GREB1: variants seen among roughly 807,000 people sequenced by gnomAD.
The protein encoded by GREB1 is growth regulating estrogen receptor binding 1.
In GREB1, 106 loss-of-function variants were observed where a neutral mutation model predicts 200.7. The ratio of observed to expected loss-of-function variants is 0.53; its 90% CI spans 0.45 to 0.62. The LOEUF (loss-of-function observed/expected upper bound fraction) is 0.62. GREB1 is among the 20% of genes least tolerant of loss of function. The pLI is 0.00. For missense variants in GREB1, 2,243 were observed against 2,556.8 expected (o/e 0.88, Z 2.65); for synonymous variants, 1,132 against 1,092.4 (o/e 1.04, Z -0.72).
chr2:11,620,580 T>A (rs1683919822), intron 22 of GREB1, among the ~76,000 whole-genome samples: 1 of 152,222 alleles, frequency 6.6e-6, no homozygotes, highest in South Asian at 2.1e-4. Flanking sequence ...TCATAAGGCA[T>A]GTTTATAGTA....
chr2:11,521,625 G>C (rs1308979960), intron 1 of GREB1, among the ~76,000 whole-genome samples: 2 of 152,196 alleles, frequency 1.3e-5, no homozygotes. Context: ...ACCCCAGTGA[G>C]AGTTCTCTGT....
chr2:11,578,282 A>G lies in GREB1; in HGVS notation c.638-15A>G, dbSNP rs763971112. On this transcript the variant is annotated splice_polypyrimidine_tract_variant and intron_variant, in intron 5 of 32. Coordinates refer to ENST00000381486, the MANE Select transcript of GREB1 (RefSeq NM_014668.4). ...AGAGCGAGTTGGTTTTCACGTGTGC[A>G]CCTTGCCCCCTTAGAGTTTAGAAGC... 2.7e-5 allele frequency: 43 copies of G among 1,607,322 alleles called. No homozygotes were observed. The highest frequency in any genetic ancestry group is 3.6e-5 in the Non-Finnish European group (42 of 1,174,744).
intron 1 of GREB1, among the ~76,000 whole-genome samples, chr2:11,538,031 G>A (rs537172472): frequency 4.6e-5 from 7 of 152,260 alleles, no homozygotes; most frequent in South Asian, 2.1e-4. Flanking sequence ...CACACACGGT[G>A]CCCTGAGTGG....
chr2:11,486,339 A>G lies in GREB1; in HGVS notation c.-159+3958A>G, dbSNP rs200984483. Among the ~76,000 whole-genome samples, 4 of 152,268 alleles carry G rather than the reference A, an allele frequency of 2.6e-5. No homozygotes were observed. In the East Asian group the frequency reaches 7.7e-4, roughly 29 times the overall value. On this transcript the variant is annotated intron_variant, in intron 1 of 2. Coordinates refer to the GREB1 transcript ENST00000628795. ...ATTTAGTTTTAATTGTAATTTTTGT[A>G]GAGATGAGGTCTCACTATGTTGCCC...
rs372638491 is a variant in GREB1, at chr2:11,602,386, G to A, written c.2530-20G>A. On this transcript the variant is annotated intron_variant, in intron 16 of 32. Coordinates refer to ENST00000381486, the MANE Select transcript of GREB1 (RefSeq NM_014668.4). ...CTGCGAATGCAGTGTTGGAGTGACCGACGCTCTTCTTTGTTTTAGGGAGTG... is the reference window on the plus strand; with the variant it reads ...CTGCGAATGCAGTGTTGGAGTGACCAACGCTCTTCTTTGTTTTAGGGAGTG... 4.3e-5 allele frequency: 70 copies of A among 1,611,662 alleles called. No homozygotes were observed. Among genetic ancestry groups the A allele is most frequent in the Non-Finnish European group, 5.3e-5 (62 of 1,178,318 alleles).
At chr2:11,630,163 G>T in intron 26 of GREB1, 54 bp downstream of exon 26, 1 of 1,565,358 alleles carries the variant, frequency 6.4e-7, no homozygotes, top group South Asian at 1.1e-5. Flanking sequence ...ACTGGGGACT[G>T]AGCCGGGGAC....
At chr2:11,531,585 T>C (rs1674076959), upstream of GREB1, among the ~76,000 whole-genome samples, 1 of 152,122 alleles carries the variant, frequency 6.6e-6, no homozygotes, top group Non-Finnish European at 1.5e-5. Flanking sequence ...ATTATTATTA[T>C]TTTGAGATAG....
chr2:11,638,683 T>C lies in GREB1; in HGVS notation c.5560T>C (p.Tyr1854His). 6.2e-7 allele frequency: 1 copy of C among 1,612,922 alleles called. No individual in the cohort carries two copies. The highest frequency in any genetic ancestry group is 8.5e-7 in the Non-Finnish European group (1 of 1,179,758). Residue 1854 changes from tyrosine to histidine, a missense_variant, in exon 32 of 33, where the codon TAT becomes CAT. Coordinates refer to ENST00000381486, the MANE Select transcript of GREB1 (RefSeq NM_014668.4). The part of the protein sequence containing the change: ...LNLGSQISVC[Y>H]VSSRPHSLNI... ...TCTTCTTTTTCAGATTTCTGTTTGCTATGTGAGCTCCAGGCCCCACTCTTT... is the reference window on the plus strand; with the variant it reads ...TCTTCTTTTTCAGATTTCTGTTTGCCATGTGAGCTCCAGGCCCCACTCTTT...
At chr2:11,610,249 G>C (rs930781041) in intron 17 of GREB1, among the ~76,000 whole-genome samples, 2 of 152,164 alleles carry the variant, frequency 1.3e-5, no homozygotes, top group African/African-American at 4.8e-5. Context: ...TTAGAACTCG[G>C]GCCTCCGGTA....
chr2:11,595,489 C>A, intron 12 of GREB1, 110 bp downstream of exon 12: 1 of 1,116,048 alleles, frequency 9.0e-7, no homozygotes, highest in African/African-American at 1.5e-5. Context: ...AGGCTGGCCT[C>A]CACTGCAGAG....
At chr2:11,566,340 TCAG>T (rs1344801660) in intron 3 of GREB1, 137 bp from the exon 4 acceptor site, 1 of 726,948 alleles carries the variant, frequency 1.4e-6, no homozygotes, top group Non-Finnish European at 2.1e-6. Flanking sequence ...GTTCTATCTC[TCAG>T]GATTAATTTT....
At chr2:11,544,552 C>A (rs1675078035) in intron 1 of GREB1, among the ~76,000 whole-genome samples, 1 of 152,032 alleles carries the variant, frequency 6.6e-6, no homozygotes, top group Non-Finnish European at 1.5e-5. Context: ...CACCTGTGGG[C>A]AAACTTTTGG....
chr2:11,531,238 G>A (rs1674062519), upstream of GREB1, among the ~76,000 whole-genome samples: 5 of 152,278 alleles, frequency 3.3e-5, no homozygotes, highest in South Asian at 1.0e-3. Flanking sequence ...ACAAGCAGAT[G>A]TTGAGCTAGA....
chr2:11,607,428 ATGTG>A (rs201217755), intron 17 of GREB1, among the ~76,000 whole-genome samples: 2,809 of 104,776 alleles, frequency 0.027, 90 homozygotes, highest in African/African-American at 0.073. Flanking sequence ...CAGTATATGT[ATGTG>A]TGTGTGTGTG....
intron 1 of GREB1, among the ~76,000 whole-genome samples, chr2:11,520,677 C>G (rs1673672873): frequency 6.6e-6 from 1 of 152,058 alleles, no homozygotes; most frequent in African/African-American, 2.4e-5. Context: ...AAGTATCTTT[C>G]TTTTTAAAGA....
At chr2:11,585,053 G>GAAAA in intron 7 of GREB1, 108 bp from the exon 8 acceptor site, 4 of 474,308 alleles carry the variant, frequency 8.4e-6, no homozygotes, top group Non-Finnish European at 7.2e-6. Flanking sequence ...TCTGTGATTA[G>GAAAA]AAAAAAAAAA....
At chr2:11,593,735 C>G (rs1432729333) in intron 11 of GREB1, among the ~76,000 whole-genome samples, 1 of 152,102 alleles carries the variant, frequency 6.6e-6, no homozygotes, top group Non-Finnish European at 1.5e-5. Context: ...TCCCAAAGTG[C>G]TGGGATTACA....
intron 2 of GREB1, chr2:11,561,590 C>G (rs1163940386): frequency 6.6e-6 from 1 of 152,098 alleles, no homozygotes; most frequent in Non-Finnish European, 1.5e-5. Flanking sequence ...GTCTCGAACT[C>G]CTGACCTCAG....
At chr2:11,558,496 T>A (rs1292879096) in intron 2 of GREB1, among the ~76,000 whole-genome samples, 1 of 152,182 alleles carries the variant, frequency 6.6e-6, no homozygotes, top group Non-Finnish European at 1.5e-5. Context: ...CTTGTCCAGC[T>A]CCACGTTGGT....
Sources: gnomAD v4.1 joint callset for allele counts (sites outside exome capture counted in the v4.1 genomes callset) on GRCh38, gnomAD v4.1.1 for gene constraint, MANE v1.5 for transcripts, NCBI Gene and HGNC (gene_info 2026-07-23, HGNC 2026-07-21) for gene names.